Variants in ANKRD12 observed in about 807,000 individuals in gnomAD.
The protein encoded by ANKRD12 is ankyrin repeat domain-containing protein 12.
Under a neutral mutation model 183.4 loss-of-function variants are expected in ANKRD12, and 85 were observed. The observed-to-expected ratio is 0.46, with a 90% CI of 0.39 to 0.56. The LOEUF (loss-of-function observed/expected upper bound fraction) is 0.56. ANKRD12 is among the 20% of genes least tolerant of loss of function. The pLI, the probability that ANKRD12 is intolerant of heterozygous loss-of-function variation, is 0.00. For missense variants in ANKRD12, 2,405 were observed against 2,357.1 expected (o/e 1.02, Z -0.42); for synonymous variants, 914 against 800.2 (o/e 1.14, Z -2.40).
intron 5 of ANKRD12, among the ~76,000 whole-genome samples, chr18:9,209,534 G>A (rs1598565958): frequency 1.3e-5 from 2 of 152,026 alleles, no homozygotes; most frequent in South Asian, 2.1e-4. Context: ...TTTAAAAAAC[G>A]GGATGACATG....
intron 8 of ANKRD12, among the ~76,000 whole-genome samples, chr18:9,234,054 A>G (rs1253926364): frequency 8.4e-6 from 1 of 118,786 alleles, no homozygotes; most frequent in East Asian, 2.7e-4. Context: ...GTGCAGGGTT[A>G]CCACACAGTC....
intron 5 of ANKRD12, among the ~76,000 whole-genome samples, chr18:9,210,725 C>CAAAAAA (rs71168045): frequency 3.3e-4 from 28 of 84,594 alleles, no homozygotes; most frequent in African/African-American, 9.5e-4. Flanking sequence ...GACTCTGTCT[C>CAAAAAA]AAAAAAAAAA....
chr18:9,150,722 C>T (rs1332138079), intron 1 of ANKRD12, among the ~76,000 whole-genome samples: 4 of 151,912 alleles, frequency 2.6e-5, no homozygotes, highest in East Asian at 3.8e-4. Flanking sequence ...GGTGTGATTT[C>T]GGCTCACTGC....
intron 1 of ANKRD12, among the ~76,000 whole-genome samples, chr18:9,146,892 T>TC (rs2078510703): frequency 6.6e-6 from 1 of 152,192 alleles, no homozygotes; most frequent in South Asian, 2.1e-4. Context: ...ACGTAGCAGT[T>TC]CAAGACTAAA....
intron 8 of ANKRD12, among the ~76,000 whole-genome samples, chr18:9,247,993 G>T (rs933124961): frequency 1.3e-5 from 2 of 152,178 alleles, no homozygotes; most frequent in Non-Finnish European, 2.9e-5. Context: ...CACCACATTG[G>T]CCAGGCTGGT....
intron 1 of ANKRD12, among the ~76,000 whole-genome samples, chr18:9,153,642 T>C (rs2143622893): frequency 6.6e-6 from 1 of 152,328 alleles, no homozygotes; most frequent in Non-Finnish European, 1.5e-5. Flanking sequence ...TATTTTGTTT[T>C]CTCCATTTTC....
Position 9,216,788 on chromosome 18 carries a change from T to C in ANKRD12, c.683T>C (p.Val228Ala), listed in dbSNP as rs763895706. 3 of 1,613,594 alleles carry C rather than the reference T, an allele frequency of 1.9e-6. No individual in the cohort carries two copies. Among genetic ancestry groups the C allele is most frequent in the South Asian group, 2.2e-5 (2 of 91,028 alleles). The part of the protein sequence containing the change: ...GWTPLHEACN[V>A]GYYDVAKILI... ...ACACCACTGCATGAAGCTTGCAATG[T>C]TGGATATTACGATGTTGCTAAGATA... The change falls in exon 7 of 13, where the codon GTT (valine) becomes GCT (alanine). Residue 228 changes from valine to alanine, a missense_variant. Around this residue, in one of 7 missense-constraint regions of ANKRD12, gnomAD observed 39 missense variants for 104.8 expected, o/e 0.37. Transcript: ENST00000262126.
intron 1 of ANKRD12, among the ~76,000 whole-genome samples, chr18:9,165,997 T>G (rs1309206565): frequency 6.6e-6 from 1 of 151,906 alleles, no homozygotes; most frequent in Non-Finnish European, 1.5e-5. Context: ...TGCGATAGTT[T>G]GCTGAGAATG....
chr18:9,262,436 A>G (rs1379545485), intron 9 of ANKRD12, among the ~76,000 whole-genome samples: 1 of 152,144 alleles, frequency 6.6e-6, no homozygotes, highest in Non-Finnish European at 1.5e-5. Context: ...TCTCTTGGAC[A>G]TCTTTTGTTT....
chr18:9,159,456 G>T (rs1331237200), intron 1 of ANKRD12, among the ~76,000 whole-genome samples: 1 of 151,978 alleles, frequency 6.6e-6, no homozygotes, highest in Non-Finnish European at 1.5e-5. Flanking sequence ...TTTTGAGATG[G>T]AGTCTTGCTC....
chr18:9,161,223 TAA>T lies in ANKRD12; in HGVS notation c.-51-21157_-51-21156del, dbSNP rs918595553. Reference sequence around the variant, plus strand: ...CAATACCTTAGTAAAACTGAGCTCTTAAAGAGTGAGTACTTATTGCCCAGTAT... The same window carrying T: ...CAATACCTTAGTAAAACTGAGCTCTTAGAGTGAGTACTTATTGCCCAGTAT... On this transcript the variant is annotated intron_variant, in intron 1 of 12. Coordinates refer to ENST00000262126, the MANE Select transcript of ANKRD12 (RefSeq NM_015208.5). Among the ~76,000 whole-genome samples the T allele has an allele frequency of 3.5e-4, 53 of 152,130 alleles. 1 individual carries two copies. Among genetic ancestry groups the T allele is most frequent in the Non-Finnish European group, 7.6e-4 (52 of 68,010 alleles).
At chr18:9,264,679 A>G (rs188517773) in intron 10 of ANKRD12, among the ~76,000 whole-genome samples, 93 of 152,378 alleles carry the variant, frequency 6.1e-4, no homozygotes, top group African/African-American at 2.1e-3. Context: ...TACAGAATTT[A>G]CAACACTGCA....
At chr18:9,259,476 C>G (rs990232316) in intron 9 of ANKRD12, 4 of 150,324 alleles carry the variant, frequency 2.7e-5, no homozygotes, top group Non-Finnish European at 6.0e-5. Context: ...TCTATATAAA[C>G]ACATAAATGT....
chr18:9,182,918 C>G (rs2033803131), intron 2 of ANKRD12, among the ~76,000 whole-genome samples: 1 of 152,144 alleles, frequency 6.6e-6, no homozygotes, highest in African/African-American at 2.4e-5. Flanking sequence ...CCTAGTCTCT[C>G]CTTATCTCTG....
chr18:9,167,887 G>A (rs143885240), intron 1 of ANKRD12, among the ~76,000 whole-genome samples: 3,564 of 152,172 alleles, frequency 0.023, 140 homozygotes, highest in African/African-American at 0.08. Flanking sequence ...TTTGAGATAC[G>A]TCCCATCAAT....
intron 4 of ANKRD12, among the ~76,000 whole-genome samples, chr18:9,205,294 G>T (rs1003034279): frequency 5.4e-5 from 8 of 148,140 alleles, no homozygotes; most frequent in Non-Finnish European, 1.0e-4. Context: ...GGCTAACATT[G>T]TTATCTCTGA....
chr18:9,263,878 G>C lies in ANKRD12; in HGVS notation c.5753G>C (p.Ser1918Thr). 1 of 1,469,832 alleles carries C rather than the reference G, an allele frequency of 6.8e-7. No homozygotes were observed. The highest frequency in any genetic ancestry group is 9.4e-7 in the Non-Finnish European group (1 of 1,066,050). 91.0% of individuals were successfully genotyped at this position (1,469,832 alleles called of 1,614,324 possible). The change falls in exon 10 of 13, where the codon AGT (serine) becomes ACT (threonine). Residue 1918 changes from serine to threonine, a missense_variant. By Grantham distance (58) the Ser-to-Thr change is moderately conservative. Transcript: ENST00000262126. ...VVRMKLRLQH[S>T]IEREKLIVSN... ...AGGATGAAACTACGTTTGCAACACA[G>C]TATTGAAAGGGTAAGAAATGTTTAA...
intron 1 of ANKRD12, among the ~76,000 whole-genome samples, chr18:9,147,448 A>G (rs982882007): frequency 2.0e-5 from 3 of 152,188 alleles, no homozygotes; most frequent in African/African-American, 7.2e-5. Context: ...CAAAAATAAA[A>G]TACAAAAAAA....
At chr18:9,221,071 C>T (rs978733600) in intron 7 of ANKRD12, among the ~76,000 whole-genome samples, 34 of 152,202 alleles carry the variant, frequency 2.2e-4, no homozygotes, top group African/African-American at 7.5e-4. Context: ...TGTTTCATTT[C>T]TTTAATACCA....
Sources: allele counts gnomAD v4.1 joint callset (sites outside exome capture counted in the v4.1 genomes callset), GRCh38; gene constraint gnomAD v4.1.1; regional missense constraint gnomAD v4.1.1; transcripts MANE v1.5; gene names NCBI Gene and HGNC (gene_info 2026-07-23, HGNC 2026-07-21).